Variants in RAPH1 observed in about 807,000 individuals in gnomAD.
RAPH1 encodes ras-associated and pleckstrin homology domains-containing protein 1.
A neutral mutation model predicts 88.1 loss-of-function variants in RAPH1; 18 were observed. That is an observed-to-expected ratio of 0.20 (90% confidence interval 0.14 to 0.30). The LOEUF is 0.30. Ranked by LOEUF, RAPH1 falls within the 10% of genes least tolerant of loss-of-function variation. The pLI, the probability that RAPH1 is intolerant of heterozygous loss-of-function variation, is 1.00. For synonymous variants in RAPH1, 587 were observed against 559.0 expected (o/e 1.05, Z -0.71); for missense variants, 1,448 against 1,543.2 (o/e 0.94, Z 1.03).
At chr2:203,522,937 A>G (rs1689957120) in intron 1 of RAPH1, among the ~76,000 whole-genome samples, 1 of 151,776 alleles carries the variant, frequency 6.6e-6, no homozygotes, top group Non-Finnish European at 1.5e-5. Context: ...AGAACCTTGA[A>G]AAGAGTAGGG....
intron 4 of RAPH1, among the ~76,000 whole-genome samples, chr2:203,479,379 G>T (rs943456768): frequency 6.6e-6 from 1 of 152,248 alleles, no homozygotes; most frequent in South Asian, 2.1e-4. Context: ...TGAGGCGGGC[G>T]CATCACTTGA....
At chr2:203,486,093 C>CAAAAAAAAAAAA (rs59599120) in intron 4 of RAPH1, among the ~76,000 whole-genome samples, 1 of 121,870 alleles carries the variant, frequency 8.2e-6, no homozygotes. Flanking sequence ...CTGAAGACTA[C>CAAAAAAAAAAAA]AAAAAAAAAA....
At chr2:203,499,398 C>G (rs1688644663) in intron 1 of RAPH1, among the ~76,000 whole-genome samples, 1 of 151,898 alleles carries the variant, frequency 6.6e-6, no homozygotes, top group African/African-American at 2.4e-5. Flanking sequence ...TTCAATTTGT[C>G]CCTATGTGGA....
At chr2:203,462,181 T>C (rs2098524689) in intron 4 of RAPH1, among the ~76,000 whole-genome samples, 1 of 152,248 alleles carries the variant, frequency 6.6e-6, no homozygotes, top group Non-Finnish European at 1.5e-5. Context: ...CTCTGTGATG[T>C]AGTAAATTAC....
At chr2:203,494,787 T>A (rs1468611549) in intron 2 of RAPH1, among the ~76,000 whole-genome samples, 3 of 129,836 alleles carry the variant, frequency 2.3e-5, no homozygotes, top group Non-Finnish European at 4.6e-5. Flanking sequence ...CCAGCCTGGA[T>A]GACAAGAGCA....
chr2:203,528,766 G>A (rs964183512), intron 1 of RAPH1, among the ~76,000 whole-genome samples: 3 of 151,672 alleles, frequency 2.0e-5, no homozygotes, highest in Non-Finnish European at 4.4e-5. Context: ...TGCTTATTAA[G>A]TACACTATTC....
chr2:203,491,607 G>A (rs1194528913), intron 2 of RAPH1, among the ~76,000 whole-genome samples: 1 of 151,888 alleles, frequency 6.6e-6, no homozygotes, highest in African/African-American at 2.4e-5. Context: ...TGCAACCTCC[G>A]CCTCCCGGGT....
chr2:203,443,714 T>A (rs1296180241), intron 13 of RAPH1: 2 of 151,544 alleles, frequency 1.3e-5, no homozygotes, highest in African/African-American at 2.4e-5. Context: ...ATATGGTGGC[T>A]CATGCCTGTA....
chr2:203,440,118 G>A lies in RAPH1; in HGVS notation c.3072C>T (p.Pro1024=), dbSNP rs2098502066. The A allele has an allele frequency of 6.2e-7, 1 of 1,613,510 alleles. No homozygotes were observed. The highest frequency in any genetic ancestry group is 8.5e-7 in the Non-Finnish European group (1 of 1,179,990). Residue 1024 remains proline, a synonymous_variant, in exon 14 of 14, where the codon CCC becomes CCT. Coordinates refer to ENST00000319170, the MANE Select transcript of RAPH1 (RefSeq NM_213589.3). ...SKETLPPPAA[P]PKPGKLNLSG... ...AAAGATTGAGTTTTCCAGGCTTGGG[G>A]GGTGCTGCAGGAGGTGGTAGGGTCT...
intron 1 of RAPH1, among the ~76,000 whole-genome samples, chr2:203,504,558 G>T (rs1688894211): frequency 6.6e-6 from 1 of 152,186 alleles, no homozygotes; most frequent in African/African-American, 2.4e-5. Flanking sequence ...GATGGGAGGG[G>T]GCTGACCTGA....
intron 4 of RAPH1, among the ~76,000 whole-genome samples, chr2:203,475,536 A>G (rs1687383320): frequency 6.6e-6 from 1 of 152,224 alleles, no homozygotes; most frequent in South Asian, 2.1e-4. Flanking sequence ...CATTACAATT[A>G]TAAATAATCT....
intron 10 of RAPH1, among the ~76,000 whole-genome samples, chr2:203,450,731 T>C (rs2098514142): frequency 6.6e-6 from 1 of 152,258 alleles, no homozygotes; most frequent in Admixed American, 6.5e-5. Flanking sequence ...AGGCACTGCC[T>C]GCAGGGCAAG....
intron 1 of RAPH1, among the ~76,000 whole-genome samples, chr2:203,507,030 G>C (rs986465287): frequency 6.7e-6 from 1 of 149,476 alleles, no homozygotes; most frequent in East Asian, 2.0e-4. Context: ...CCAAGTAGCT[G>C]GGATTACAGG....
At position 203,489,880 on chromosome 2, in the gene RAPH1, G is replaced by T. The variant is rs1255079123; in HGVS notation, c.436C>A (p.Pro146Thr). 3 of 1,614,228 alleles carry T rather than the reference G, an allele frequency of 1.9e-6. No individual in the cohort carries two copies. Among genetic ancestry groups the T allele is most frequent in the East Asian group, 4.5e-5 (2 of 44,890 alleles). ...LSSSSNRIAK[P>T]SHASYSLDDV... is the part of the protein sequence containing the mutation. ...TCCAAGGAGTAGCTGGCATGGGAAGGTTTAGCTATCCTATTAGATGAAGAA... is the reference window on the plus strand; with the variant it reads ...TCCAAGGAGTAGCTGGCATGGGAAGTTTTAGCTATCCTATTAGATGAAGAA... The change falls in exon 4 of 14, where the codon CCT becomes ACT. Residue 146 changes from proline (P) to threonine (T), a missense_variant. This residue lies in a region of RAPH1 where 513 missense variants were observed against 653.1 expected (regional missense o/e 0.79). Coordinates refer to ENST00000319170, the MANE Select transcript of RAPH1 (RefSeq NM_213589.3).
At position 203,491,207 on chromosome 2, in the gene RAPH1, A is replaced by C; in HGVS notation, c.226+7T>G. Reference sequence around the variant, plus strand: ...TATTTTACATTTTATTTCCAATTACATCTTACCATTCAAGTTGTATATGGA... The same window carrying C: ...TATTTTACATTTTATTTCCAATTACCTCTTACCATTCAAGTTGTATATGGA... On this transcript the variant is annotated splice_region_variant and intron_variant, in intron 3 of 13. Transcript: ENST00000319170. The C allele has an allele frequency of 6.3e-7, 1 of 1,577,210 alleles. No homozygotes were observed. Among genetic ancestry groups the C allele is most frequent in the Non-Finnish European group, 8.7e-7 (1 of 1,147,166 alleles).
chr2:203,489,921 GTGCCATGTTTCAAT>G lies in RAPH1; in HGVS notation c.381_394del (p.Lys129GlufsTer8). On this transcript the variant is annotated frameshift_variant, in exon 4 of 14. Coordinates refer to ENST00000319170, the MANE Select transcript of RAPH1 (RefSeq NM_213589.3). LOFTEE classifies it high-confidence loss of function. ...AGATGAAGAAGATAATCCTTTCAAG[GTGCCATGTTTCAAT>G]GTATGTCGGCTAACAGGCAATTTCT... 1 of 1,614,178 alleles carries G rather than the reference GTGCCATGTTTCAAT, an allele frequency of 6.2e-7. No homozygotes were observed. Among genetic ancestry groups the G allele is most frequent in the Non-Finnish European group, 8.5e-7 (1 of 1,180,032 alleles).
At chr2:203,501,628 C>T (rs1366103389) in intron 1 of RAPH1, among the ~76,000 whole-genome samples, 1 of 151,840 alleles carries the variant, frequency 6.6e-6, no homozygotes, top group African/African-American at 2.4e-5. Context: ...AATTTTATAA[C>T]TTTTGCTCTT....
At chr2:203,532,877 T>C (rs1027857578) in intron 1 of RAPH1, among the ~76,000 whole-genome samples, 1 of 152,156 alleles carries the variant, frequency 6.6e-6, no homozygotes, top group African/African-American at 2.4e-5. Context: ...TTAATTTTCC[T>C]AAAATTAAGT....
At chr2:203,488,603 A>AC (rs1440802017) in intron 4 of RAPH1, among the ~76,000 whole-genome samples, 2 of 147,450 alleles carry the variant, frequency 1.4e-5, no homozygotes, top group African/African-American at 2.5e-5. Flanking sequence ...AAAAAAAAAA[A>AC]AAAAAAAAAA....
Sources: allele counts gnomAD v4.1 joint callset (sites outside exome capture counted in the v4.1 genomes callset), GRCh38; gene constraint gnomAD v4.1.1; regional missense constraint gnomAD v4.1.1; transcripts MANE v1.5; gene names NCBI Gene and HGNC (gene_info 2026-07-23, HGNC 2026-07-21).